Variants in KDM5B observed in about 807,000 individuals in gnomAD.
KDM5B encodes lysine demethylase 5B.
In KDM5B, 144 loss-of-function variants were observed where a neutral mutation model predicts 193.4. The ratio of observed to expected loss-of-function variants is 0.74; its 90% CI spans 0.65 to 0.86. The LOEUF (loss-of-function observed/expected upper bound fraction) is 0.86, where lower values mean the gene tolerates loss of function less well. KDM5B is among the 40% of genes least tolerant of loss of function. KDM5B has a pLI of 0.00. For synonymous variants in KDM5B, 668 were observed against 682.6 expected (o/e 0.98, Z 0.33); for missense variants, 1,833 against 1,886.9 (o/e 0.97, Z 0.53).
intron 1 of KDM5B, chr1:202,796,274 T>C (rs1219918282): frequency 1.4e-5 from 6 of 417,688 alleles, no homozygotes; most frequent in Non-Finnish European, 2.4e-5. Flanking sequence ...CCTCTGTACC[T>C]ATGACCAAAT....
At chr1:202,732,576 G>T (rs1654926956) in intron 23 of KDM5B, among the ~76,000 whole-genome samples, 1 of 151,240 alleles carries the variant, frequency 6.6e-6, no homozygotes, top group Non-Finnish European at 1.5e-5. Context: ...TATTTCAGAA[G>T]CCTGCAAAGA....
chr1:202,730,085 A>G (rs1654826831), intron 25 of KDM5B, 58 bp from the exon 26 acceptor site: 3 of 1,368,456 alleles, frequency 2.2e-6, no homozygotes, highest in Non-Finnish European at 3.0e-6. Context: ...TACTAAAACT[A>G]ATGAAGCTAA....
At position 202,730,982 on chromosome 1, in the gene KDM5B, TG is replaced by T; in HGVS notation, c.4102del (p.Gln1368ArgfsTer19). ...AGGGCTTGGCTTTGCAAGTAAAGTC[TG>T]GTAAAGTTCCTGAATTTCAGGAAGG... is the stretch of plus-strand genomic sequence containing the variant. ...VSLPEIQELY[Q>X]TLLAKPSPAQ... On this transcript the variant is annotated frameshift_variant, in exon 25 of 27. Coordinates refer to ENST00000367265, the MANE Select transcript of KDM5B (RefSeq NM_006618.5). LOFTEE classifies it high-confidence loss of function. 1 of 1,613,968 alleles carries T rather than the reference TG, an allele frequency of 6.2e-7. No individual in the cohort carries two copies. The highest frequency in any genetic ancestry group is 8.5e-7 in the Non-Finnish European group (1 of 1,179,896).
In KDM5B at chr1:202,808,320, C is replaced by A; in HGVS notation, c.-15G>T. The A allele has an allele frequency of 1.3e-6, 2 of 1,570,132 alleles. No individual in the cohort carries two copies. The highest frequency in any genetic ancestry group is 1.7e-6 in the Non-Finnish European group (2 of 1,160,694). ...GCCGCCTCCATCACCGCAGGCTGGG[C>A]AAGGGCGAGGCGAAGGTGGGCTCCG... On this transcript the variant is annotated 5_prime_UTR_variant, in exon 1 of 27. Transcript: ENST00000367265.
rs746256053 is a variant in KDM5B at position 202,731,074 on chromosome 1, C to A, written c.4022-11G>T. ...CTTCTGGACTAACACCTGTAAAAGA[C>A]CAGACCAAATCAAAATGATAACAAC... On this transcript the variant is annotated splice_polypyrimidine_tract_variant and intron_variant, in intron 24 of 26. Transcript: ENST00000367265. 4.4e-6 allele frequency: 7 copies of A among 1,582,394 alleles called. No individual in the cohort carries two copies. The highest frequency in any genetic ancestry group is 6.0e-6 in the Non-Finnish European group (7 of 1,161,736).
chr1:202,795,315 G>A lies in KDM5B; in HGVS notation c.204+12787C>T, dbSNP rs138031010. The stretch of plus-strand genomic sequence containing the variant: ...TGTCCTCACCTATTTTTGGACAGCA[G>A]TTGACAAATTCTATCCGTGGTTTTC... On this transcript the variant is annotated intron_variant, in intron 1 of 26. Coordinates refer to ENST00000367265, the MANE Select transcript of KDM5B (RefSeq NM_006618.5). Among the ~76,000 whole-genome samples, 1,085 of 152,164 alleles carry A rather than the reference G, an allele frequency of 7.1e-3. 8 individuals are homozygous for A. The highest frequency in any genetic ancestry group is 0.025 in the African/African-American group (1,035 of 41,508).
intron 23 of KDM5B, 124 bp from the exon 24 acceptor site, chr1:202,732,063 T>G: frequency 6.3e-6 from 4 of 638,764 alleles, no homozygotes; most frequent in South Asian, 3.7e-5. Context: ...AAAAACAACT[T>G]GATTTTCCCC....
chr1:202,802,446 G>A (rs564674491), intron 1 of KDM5B, among the ~76,000 whole-genome samples: 2 of 152,272 alleles, frequency 1.3e-5, no homozygotes, highest in East Asian at 1.9e-4. Flanking sequence ...AGGCTAGAGT[G>A]CAATGGAGTG....
Position 202,741,632 on chromosome 1 carries a change from G to T in KDM5B, c.2680C>A (p.Leu894Ile). 1 of 1,614,110 alleles carries T rather than the reference G, an allele frequency of 6.2e-7. No homozygotes were observed. The highest frequency in any genetic ancestry group is 8.5e-7 in the Non-Finnish European group (1 of 1,179,972). The change falls in exon 19 of 27, where the codon CTA becomes ATA. Residue 894 changes from leucine (L) to isoleucine (I), a missense_variant. By Grantham distance (5) the Leu-to-Ile change is conservative. This residue lies in a region of KDM5B where 1,379 missense variants were observed against 1,349.6 expected (regional missense o/e 1.02). Transcript: ENST00000367265. Reference sequence around the variant, plus strand: ...ACATCAAATTCAAAGCTGACATCTAGCAAGTCCTGCAGCTCCGCAGCACTA... The same window carrying T: ...ACATCAAATTCAAAGCTGACATCTATCAAGTCCTGCAGCTCCGCAGCACTA... ...TPSAAELQDL[L>I]DVSFEFDVEL...
At chr1:202,805,382 C>CT (rs1262325461) in intron 1 of KDM5B, among the ~76,000 whole-genome samples, 1 of 152,154 alleles carries the variant, frequency 6.6e-6, no homozygotes, top group Non-Finnish European at 1.5e-5. Flanking sequence ...TGTAAGTACT[C>CT]TAAGTTTTCA....
intron 14 of KDM5B, among the ~76,000 whole-genome samples, chr1:202,748,114 G>A (rs1431263351): frequency 1.3e-5 from 2 of 152,130 alleles, no homozygotes; most frequent in Non-Finnish European, 2.9e-5. Context: ...CTTATGTGGT[G>A]AATTGATTTT....
rs934099378 is a variant in KDM5B at position 202,785,708 on chromosome 1, A to G, written c.205-8614T>C. 3.3e-5 allele frequency among the ~76,000 whole-genome samples: 5 copies of G among 152,280 alleles called. No homozygotes were observed. The East Asian group carries it at 5.8e-4, about 18-fold the overall frequency. ...GGGCAGATCATGAGGTCAGGAGTTC[A>G]AGAGCAGCCTGGCCAACATGGCAAA... On this transcript the variant is annotated intron_variant, in intron 1 of 26. Coordinates refer to ENST00000367265, the MANE Select transcript of KDM5B (RefSeq NM_006618.5).
Position 202,773,033 on chromosome 1 carries a change from A to C in KDM5B, c.576+85T>G, listed in dbSNP as rs562905041. 2.1e-4 allele frequency: 221 copies of C among 1,043,254 alleles called. 1 individual carries two copies. Among genetic ancestry groups the C allele is most frequent in the Non-Finnish European group, 3.0e-4 (209 of 700,894 alleles). The allele number at this position is 1,043,254 out of a possible 1,614,324, so 64.6% of individuals were successfully genotyped here. The stretch of plus-strand genomic sequence containing the variant: ...TTCTAAAACAAGGTCTTCCAAACAC[A>C]ATCAAGGCTTTTTCATTTCCCTGAA... On this transcript the variant is annotated intron_variant, in intron 4 of 26. Coordinates refer to ENST00000367265, the MANE Select transcript of KDM5B (RefSeq NM_006618.5).
At chr1:202,781,933 G>A (rs939021606) in intron 1 of KDM5B, among the ~76,000 whole-genome samples, 4 of 152,066 alleles carry the variant, frequency 2.6e-5, no homozygotes, top group Admixed American at 2.6e-4. Context: ...CAATTATAAA[G>A]ATATTTGATG....
chr1:202,764,600 A>G (rs1234232814), intron 5 of KDM5B, among the ~76,000 whole-genome samples: 6 of 152,018 alleles, frequency 3.9e-5, no homozygotes, highest in Non-Finnish European at 8.8e-5. Flanking sequence ...GTGCCATTGC[A>G]CTCCAGCCTG....
chr1:202,742,598 C>T (rs932634862), intron 17 of KDM5B, 57 bp downstream of exon 17: 1 of 1,608,886 alleles, frequency 6.2e-7, no homozygotes, highest in East Asian at 2.2e-5. Context: ...GGAGTCACAA[C>T]AGGTTTCCAA....
rs1372233336 is a variant in KDM5B at position 202,726,255 on chromosome 1, T to C, written c.*2781A>G. The stretch of plus-strand genomic sequence containing the variant: ...AAATTCAGGTTTTTAACAACCTCCA[T>C]CACCACAAGTGGCATCTCTCCTTTA... On this transcript the variant is annotated 3_prime_UTR_variant, in exon 27 of 27. Transcript: ENST00000367265. The C allele has an allele frequency of 6.6e-6, 1 of 152,208 alleles. No homozygotes were observed. The highest frequency in any genetic ancestry group is 6.5e-5 in the Admixed American group (1 of 15,280). The allele number at this position is 152,208 out of a possible 1,614,324, so 9.4% of individuals were successfully genotyped here.
intron 1 of KDM5B, 127 bp downstream of exon 1, chr1:202,807,975 C>T: frequency 2.1e-6 from 2 of 954,656 alleles, no homozygotes; most frequent in Non-Finnish European, 3.0e-6. Context: ...TCTAGGCAGC[C>T]CCAAACTTGA....
chr1:202,742,533 A>G (rs1448284992), intron 17 of KDM5B, 28 bp from the exon 18 acceptor site: 1 of 1,606,932 alleles, frequency 6.2e-7, no homozygotes, highest in Admixed American at 1.7e-5. Context: ...CAAGGAAGCC[A>G]TATAAGAATA....
Sources: gnomAD v4.1 joint callset for allele counts (sites outside exome capture counted in the v4.1 genomes callset) on GRCh38, gnomAD v4.1.1 for gene constraint, gnomAD v4.1.1 regional missense constraint, MANE v1.5 for transcripts, NCBI Gene and HGNC (gene_info 2026-07-23, HGNC 2026-07-21) for gene names.